The following PNPLA2 variants were observed in gnomAD, a reference collection of about 807,000 sequenced individuals.
PNPLA2 encodes patatin like domain 2, triacylglycerol lipase.
A neutral mutation model predicts 39.7 loss-of-function variants in PNPLA2; 28 were observed. The observed-to-expected ratio is 0.70, with a 90% CI of 0.52 to 0.97. The LOEUF (loss-of-function observed/expected upper bound fraction) is 0.97. Ranked by LOEUF, PNPLA2 falls within the 50% of genes least tolerant of loss-of-function variation. The probability of loss-of-function intolerance (pLI) is 0.00; values close to 1 mark genes in which losing one functional copy is unlikely to be tolerated. For synonymous variants in PNPLA2, 392 were observed against 321.1 expected (o/e 1.22, Z -2.36); for missense variants, 768 against 698.2 (o/e 1.10, Z -1.13).
chr11:824,857 CTG>C lies in PNPLA2; in HGVS notation c.1513_1514del (p.Ter505ArgfsTer46). The C allele has an allele frequency of 6.5e-7, 1 of 1,533,852 alleles. No homozygotes were observed. On this transcript the variant is annotated frameshift_variant, in exon 10 of 10. Transcript: ENST00000336615. LOFTEE classifies it high-confidence loss of function. ...CCGGCCCGTGATCGGGGCCCTGGGG[CTG>C]TGAGACCCCGACCCTCTCGAGGAAC... The part of the protein sequence containing the change: ...EARPVIGALG[L>X]
chr11:825,084 G>C lies in PNPLA2; in HGVS notation c.*222G>C, dbSNP rs1202559534. On this transcript the variant is annotated 3_prime_UTR_variant, in exon 10 of 10. Coordinates refer to ENST00000336615, the MANE Select transcript of PNPLA2 (RefSeq NM_020376.4). ...ATCTTCCCTCCCCTGTGCTGCCCGA[G>C]CACCTCCCCCGCCCCTTTACTCCTG... 1.7e-6 allele frequency: 1 copy of C among 590,848 alleles called. No individual in the cohort carries two copies. The highest frequency in any genetic ancestry group is 3.0e-6 in the Non-Finnish European group (1 of 332,082). 36.6% of individuals were successfully genotyped at this position (590,848 alleles called of 1,614,324 possible). A position where few individuals can be genotyped will look rare whatever the true frequency, so the allele number is the denominator to read the frequency against.
chr11:824,617 C>T lies in PNPLA2; in HGVS notation c.1270C>T (p.Arg424Cys), dbSNP rs772156786. The change falls in exon 10 of 10, where the codon CGC (arginine) becomes TGC (cysteine). Residue 424 changes from arginine (R) to cysteine (C), a missense_variant. Coordinates refer to ENST00000336615, the MANE Select transcript of PNPLA2 (RefSeq NM_020376.4). ...AYREALPGWM[R>C]NNLSLGDALA... is the part of the protein sequence containing the mutation. ...CAGAGAGGCACTGCCCGGCTGGATG[C>T]GCAACAACCTCTCGCTGGGGGACGC... is the stretch of plus-strand genomic sequence containing the variant. 2.5e-6 allele frequency: 4 copies of T among 1,594,284 alleles called. No individual in the cohort carries two copies. Among genetic ancestry groups the T allele is most frequent in the South Asian group, 1.1e-5 (1 of 89,316 alleles).
Position 819,829 on chromosome 11 carries a change from G to A in PNPLA2, c.111G>A (p.Val37=). Residue 37 remains valine, a synonymous_variant, in exon 2 of 10, where the codon GTG becomes GTA. Coordinates refer to ENST00000336615, the MANE Select transcript of PNPLA2 (RefSeq NM_020376.4). ...TCCGCGAGCACGCGCCCTTCCTGGT[G>A]GCCAACGCCACGCACATCTACGGCG... is the stretch of plus-strand genomic sequence containing the variant. The part of the protein sequence containing the change: ...SCLREHAPFL[V]ANATHIYGAS... 2.7e-6 allele frequency: 4 copies of A among 1,492,490 alleles called. No homozygotes were observed. The East Asian group carries it at 1.2e-4, about 44-fold the overall frequency. The allele number at this position is 1,492,490 out of a possible 1,614,324, so 92.5% of individuals were successfully genotyped here. A position where few individuals can be genotyped will look rare whatever the true frequency, so the allele number is the denominator to read the frequency against.
chr11:822,102 A>G, intron 4 of PNPLA2, 79 bp downstream of exon 4: 1 of 1,302,024 alleles, frequency 7.7e-7, no homozygotes, highest in East Asian at 2.3e-5. Flanking sequence ...GCCTAGAGCC[A>G]TCCTTCAGGC....
chr11:823,901 AAG>A lies in PNPLA2; in HGVS notation c.919+55_919+56del, dbSNP rs145243535. The stretch of plus-strand genomic sequence containing the variant: ...AGGGGAGGAGGGGAGGCAGGAGGGA[AAG>A]AGAGAGAGGAGAGGACGGTGAGCAG... On this transcript the variant is annotated intron_variant, in intron 7 of 9. Transcript: ENST00000336615. 3,833 of 1,554,598 alleles carry A rather than the reference AAG, an allele frequency of 2.5e-3. 89 individuals are homozygous for A. The African/African-American group carries it at 0.046, about 19-fold the overall frequency.
Position 824,804 on chromosome 11 carries a change from C to T in PNPLA2, c.1457C>T (p.Pro486Leu). Residue 486 changes from proline (P) to leucine (L), a missense_variant, in exon 10 of 10, where the codon CCC (proline) becomes CTC (leucine). Coordinates refer to ENST00000336615, the MANE Select transcript of PNPLA2 (RefSeq NM_020376.4). The part of the protein sequence containing the change: ...SPQHQLAGPA[P>L]LLSTPAPEAR... ...CAGCACCAGCTGGCCGGGCCTGCCC[C>T]CTTGCTGAGCACCCCTGCTCCCGAG... 3 of 1,534,484 alleles carry T rather than the reference C, an allele frequency of 2.0e-6. No individual in the cohort carries two copies. The highest frequency in any genetic ancestry group is 8.7e-7 in the Non-Finnish European group (1 of 1,146,030).
chr11:823,488 C>T (rs1372822612), intron 5 of PNPLA2, 39 bp from the exon 6 acceptor site: 1 of 1,575,232 alleles, frequency 6.3e-7, no homozygotes, highest in Non-Finnish European at 8.6e-7. Context: ...AACGGGCATC[C>T]CTGGCTCCCT....
chr11:824,817 C>T lies in PNPLA2; in HGVS notation c.1470C>T (p.Thr490=), dbSNP rs1845832448. Reference sequence around the variant, plus strand: ...CCGGGCCTGCCCCCTTGCTGAGCACCCCTGCTCCCGAGGCCCGGCCCGTGA... The same window carrying T: ...CCGGGCCTGCCCCCTTGCTGAGCACTCCTGCTCCCGAGGCCCGGCCCGTGA... The part of the protein sequence containing the change: ...QLAGPAPLLS[T]PAPEARPVIG... Residue 490 remains threonine (T), a synonymous_variant, in exon 10 of 10, where the codon ACC becomes ACT. Transcript: ENST00000336615. 1 of 1,534,724 alleles carries T rather than the reference C, an allele frequency of 6.5e-7. No individual in the cohort carries two copies. The highest frequency in any genetic ancestry group is 1.4e-5 in the African/African-American group (1 of 72,998).
chr11:820,107 G>A (rs987352167), intron 2 of PNPLA2, among the ~76,000 whole-genome samples: 1 of 152,254 alleles, frequency 6.6e-6, no homozygotes, highest in African/African-American at 2.4e-5. Context: ...TGCTCCGAGG[G>A]TGCCCGGGGC....
chr11:823,657 C>A, intron 6 of PNPLA2, 37 bp from the exon 7 acceptor site: 1 of 1,602,724 alleles, frequency 6.2e-7, no homozygotes, highest in Non-Finnish European at 8.5e-7. Flanking sequence ...CGCGGCCGCG[C>A]TGATGAACTG....
chr11:824,159 G>T (rs1403827487), intron 8 of PNPLA2, 29 bp downstream of exon 8: 2 of 1,578,936 alleles, frequency 1.3e-6, no homozygotes, highest in Non-Finnish European at 1.7e-6. Context: ...CGGGAGAGGG[G>T]CCCAGGGGAC....
intron 4 of PNPLA2, 160 bp from the exon 5 acceptor site, chr11:822,237 C>A: frequency 2.5e-6 from 2 of 792,770 alleles, no homozygotes; most frequent in Non-Finnish European, 4.3e-6. Context: ...ACCATCTGCT[C>A]AGTGCCCAGG....
At chr11:820,017 G>A (rs775245698) in intron 2 of PNPLA2, 112 bp downstream of exon 2, 18 of 797,518 alleles carry the variant, frequency 2.3e-5, no homozygotes, top group Admixed American at 8.7e-5. Flanking sequence ...GTACCGTGGG[G>A]AGGGTTCCGG....
In PNPLA2 at chr11:819,819, C is replaced by A; in HGVS notation, c.101C>A (p.Pro34His). ...GCCTCCTGCCTCCGCGAGCACGCGC[C>A]CTTCCTGGTGGCCAACGCCACGCAC... ...GVASCLREHA[P>H]FLVANATHIY... is the part of the protein sequence containing the mutation. The change falls in exon 2 of 10, where the codon CCC becomes CAC. Residue 34 changes from proline to histidine, a missense_variant. By Grantham distance (77) the Pro-to-His change is moderately conservative. Transcript: ENST00000336615. The A allele has an allele frequency of 2.0e-6, 3 of 1,497,590 alleles. No individual in the cohort carries two copies. The highest frequency in any genetic ancestry group is 2.7e-6 in the Non-Finnish European group (3 of 1,124,502). The allele number at this position is 1,497,590 out of a possible 1,614,324, so 92.8% of individuals were successfully genotyped here. A position where few individuals can be genotyped will look rare whatever the true frequency, so the allele number is the denominator to read the frequency against.
In PNPLA2 at chr11:824,091, A is replaced by G; in HGVS notation, c.1013A>G (p.Tyr338Cys). The G allele has an allele frequency of 6.2e-7, 1 of 1,605,302 alleles. No individual in the cohort carries two copies. The highest frequency in any genetic ancestry group is 8.5e-7 in the Non-Finnish European group (1 of 1,177,184). The change falls in exon 8 of 10, where the codon TAC becomes TGC. Residue 338 changes from tyrosine to cysteine, a missense_variant. By Grantham distance (194) the Tyr-to-Cys change is radical. Coordinates refer to ENST00000336615, the MANE Select transcript of PNPLA2 (RefSeq NM_020376.4). ...CTGGCCACGGCCATGATGGTGCCCT[A>G]CACGCTGCCGCTGGAGAGCGCTCTG... ...VRLATAMMVP[Y>C]TLPLESALSF...
Position 823,772 on chromosome 11 carries a change from T to A in PNPLA2, c.836T>A (p.Val279Glu). 6.6e-7 allele frequency: 1 copy of A among 1,521,390 alleles called. No individual in the cohort carries two copies. The highest frequency in any genetic ancestry group is 1.7e-4 in the Middle Eastern group (1 of 5,732). The allele number at this position is 1,521,390 out of a possible 1,614,324, so 94.2% of individuals were successfully genotyped here. A position where few individuals can be genotyped will look rare whatever the true frequency, so the allele number is the denominator to read the frequency against. The change falls in exon 7 of 10, where the codon GTG becomes GAG. Residue 279 changes from valine to glutamate, a missense_variant. Physicochemically the swap from Val to Glu is moderately radical, Grantham distance 121. Transcript: ENST00000336615. ...PHGPEDKDQA[V>E]ESAQAEDYSQ... ...GGCCCAGAGGACAAGGACCAGGCAGTGGAGAGCGCCCAAGCGGAGGATTAC... is the reference window on the plus strand; with the variant it reads ...GGCCCAGAGGACAAGGACCAGGCAGAGGAGAGCGCCCAAGCGGAGGATTAC...
Position 821,763 on chromosome 11 carries a change from A to C in PNPLA2, c.323A>C (p.Glu108Ala). 1 of 1,613,928 alleles carries C rather than the reference A, an allele frequency of 6.2e-7. No homozygotes were observed. The highest frequency in any genetic ancestry group is 2.2e-5 in the East Asian group (1 of 44,874). Reference protein sequence around the residue: ...LLKVLPADSHEHASGRLGISL... With the variant: ...LLKVLPADSHAHASGRLGISL... ...AAGGTCCTGCCTGCTGATAGCCATGAGCATGCCAGTGGGCGCCTGGGCATC... is the reference window on the plus strand; with the variant it reads ...AAGGTCCTGCCTGCTGATAGCCATGCGCATGCCAGTGGGCGCCTGGGCATC... Residue 108 changes from glutamate (E) to alanine (A), a missense_variant, in exon 3 of 10, where the codon GAG becomes GCG. Transcript: ENST00000336615.
Position 819,592 on chromosome 11 carries a change from C to T in PNPLA2, c.-127C>T, listed in dbSNP as rs1272868721. 7 of 1,271,684 alleles carry T rather than the reference C, an allele frequency of 5.5e-6. No individual in the cohort carries two copies. Among genetic ancestry groups the T allele is most frequent in the South Asian group, 2.1e-5 (1 of 47,836 alleles). 78.8% of individuals were successfully genotyped at this position (1,271,684 alleles called of 1,614,324 possible). On this transcript the variant is annotated 5_prime_UTR_variant, in exon 2 of 10. Transcript: ENST00000336615. ...CGCGTAGCTTCTTCGCCTCCGCCAG[C>T]GGGGACCCCGAGCTAGAGCCGCAGC...
Position 824,111 on chromosome 11 carries a change from G to A in PNPLA2, c.1033G>A (p.Ala345Thr). ...GCCCTACACGCTGCCGCTGGAGAGC[G>A]CTCTGTCCTTCACCATCCGGTGTGA... ...MVPYTLPLESALSFTIRLLEW... is the reference protein window; with the variant it reads ...MVPYTLPLESTLSFTIRLLEW... Residue 345 changes from alanine to threonine, a missense_variant, in exon 8 of 10, where the codon GCT (alanine) becomes ACT (threonine). Ala to Thr is a moderately conservative substitution (Grantham distance 58, BLOSUM62 0). Transcript: ENST00000336615. 6.2e-7 allele frequency: 1 copy of A among 1,600,034 alleles called. No homozygotes were observed. Among genetic ancestry groups the A allele is most frequent in the Non-Finnish European group, 8.5e-7 (1 of 1,174,856 alleles).
Sources: gnomAD v4.1 joint callset for allele counts (sites outside exome capture counted in the v4.1 genomes callset) on GRCh38, gnomAD v4.1.1 for gene constraint, MANE v1.5 for transcripts, NCBI Gene and HGNC (gene_info 2026-07-23, HGNC 2026-07-21) for gene names.